CNTN5: variants seen among roughly 807,000 people sequenced by gnomAD.
CNTN5 encodes contactin 5, also known as contactin-5.
In CNTN5, 77 loss-of-function variants were observed where a neutral mutation model predicts 129.1. The observed-to-expected ratio is 0.60, with a 90% CI of 0.50 to 0.72. CNTN5 has a LOEUF of 0.72. Ranked by LOEUF, CNTN5 falls within the 30% of genes least tolerant of loss-of-function variation. CNTN5 has a pLI of 0.00. For synonymous variants in CNTN5, 509 were observed against 465.6 expected (o/e 1.09, Z -1.20); for missense variants, 1,478 against 1,328.8 (o/e 1.11, Z -1.75).
intron 9 of CNTN5, 135 bp from the exon 10 acceptor site, chr11:100,061,077 C>T: frequency 1.6e-6 from 1 of 609,026 alleles, no homozygotes; most frequent in Non-Finnish European, 2.7e-6. Context: ...TGAAATATAT[C>T]AACCAGCACA....
intron 9 of CNTN5, among the ~76,000 whole-genome samples, chr11:100,030,525 A>C (rs531485632): frequency 2.0e-5 from 3 of 152,206 alleles, no homozygotes; most frequent in African/African-American, 7.2e-5. Context: ...AGATATGCAC[A>C]ATCCATTGTG....
At chr11:99,819,834 C>A in intron 4 of CNTN5, 69 bp downstream of exon 4, 3 of 472,016 alleles carry the variant, frequency 6.4e-6, no homozygotes, top group Non-Finnish European at 8.8e-6. Flanking sequence ...AATACTGTTG[C>A]AACAGAGATC....
intron 13 of CNTN5, among the ~76,000 whole-genome samples, chr11:100,080,019 C>A (rs1200121060): frequency 6.6e-6 from 1 of 152,070 alleles, no homozygotes; most frequent in Non-Finnish European, 1.5e-5. Context: ...ACAATCTTAG[C>A]TAAAATGAAG....
At chr11:100,316,454 T>C (rs118039988) in intron 21 of CNTN5, among the ~76,000 whole-genome samples, 1,736 of 152,258 alleles carry the variant, frequency 0.011, 24 homozygotes, top group Non-Finnish European at 0.014. Context: ...AATATAATTC[T>C]CGTGTCTATA....
intron 3 of CNTN5, among the ~76,000 whole-genome samples, chr11:99,668,279 C>A (rs1390765064): frequency 6.6e-6 from 1 of 152,142 alleles, no homozygotes; most frequent in Non-Finnish European, 1.5e-5. Flanking sequence ...ACATTCTATT[C>A]TATGATGCCT....
intron 9 of CNTN5, among the ~76,000 whole-genome samples, chr11:100,026,124 G>C (rs73561007): frequency 6.6e-6 from 1 of 152,074 alleles, no homozygotes; most frequent in African/African-American, 2.4e-5. Flanking sequence ...ACCTGGTGAA[G>C]GTAACTGAAT....
At chr11:99,098,438 A>T (rs912926903) in intron 1 of CNTN5, among the ~76,000 whole-genome samples, 2 of 151,998 alleles carry the variant, frequency 1.3e-5, no homozygotes, top group African/African-American at 4.8e-5. Flanking sequence ...ACTTACATAG[A>T]CCACAACACT....
At chr11:99,138,316 T>C (rs1381129021) in intron 1 of CNTN5, among the ~76,000 whole-genome samples, 2 of 152,278 alleles carry the variant, frequency 1.3e-5, no homozygotes, top group South Asian at 2.1e-4. Flanking sequence ...AATCGTCCTA[T>C]ATGGATGAAA....
At chr11:99,102,954 G>T (rs886522764) in intron 1 of CNTN5, among the ~76,000 whole-genome samples, 1 of 152,088 alleles carries the variant, frequency 6.6e-6, no homozygotes, top group Non-Finnish European at 1.5e-5. Flanking sequence ...AGGTTTAATG[G>T]ACTCACAATT....
In CNTN5 at chr11:99,385,755, A is replaced by G. The variant is rs577793865; in HGVS notation, c.-71+60271A>G. 2.6e-5 allele frequency among the ~76,000 whole-genome samples: 4 copies of G among 152,290 alleles called. No homozygotes were observed. In the East Asian group the frequency reaches 7.7e-4, roughly 29 times the overall value. The stretch of plus-strand genomic sequence containing the variant: ...AAGATCCAGAATAAGAAGGAGTTTT[A>G]GCTCAAGGATGTCGTCAGAGATCCC... On this transcript the variant is annotated intron_variant, in intron 2 of 24. Coordinates refer to ENST00000524871, the MANE Select transcript of CNTN5 (RefSeq NM_014361.4).
chr11:99,415,936 C>T (rs1451327732), intron 2 of CNTN5, among the ~76,000 whole-genome samples: 1 of 152,046 alleles, frequency 6.6e-6, no homozygotes, highest in Non-Finnish European at 1.5e-5. Context: ...TTGATTTTTC[C>T]AGTGTTTATT....
intron 13 of CNTN5, among the ~76,000 whole-genome samples, chr11:100,159,445 G>A (rs749563464): frequency 1.3e-5 from 2 of 151,792 alleles, no homozygotes; most frequent in African/African-American, 2.4e-5. Flanking sequence ...GGATTTCTCA[G>A]AACGAATATG....
At chr11:99,899,912 C>A (rs1230046053) in intron 6 of CNTN5, among the ~76,000 whole-genome samples, 3 of 151,918 alleles carry the variant, frequency 2.0e-5, no homozygotes, top group Admixed American at 6.6e-5. Flanking sequence ...AATTTCATTA[C>A]TCATTGTTGG....
intron 3 of CNTN5, among the ~76,000 whole-genome samples, chr11:99,692,854 T>A (rs868096071): frequency 2.0e-5 from 3 of 152,146 alleles, no homozygotes; most frequent in African/African-American, 7.2e-5. Flanking sequence ...TTCCAAAAAA[T>A]TTATTGATAT....
chr11:99,883,374 A>C (rs1229678865), intron 6 of CNTN5, among the ~76,000 whole-genome samples: 1 of 152,174 alleles, frequency 6.6e-6, no homozygotes, highest in Non-Finnish European at 1.5e-5. Context: ...CCTTGCCGGC[A>C]TTCGTTATCT....
intron 13 of CNTN5, among the ~76,000 whole-genome samples, chr11:100,158,565 A>C (rs903405360): frequency 2.6e-5 from 4 of 151,882 alleles, no homozygotes; most frequent in Non-Finnish European, 5.9e-5. Context: ...GCTTTCCATA[A>C]ACAAGAAACT....
At chr11:99,846,942 G>A (rs1328171195) in intron 6 of CNTN5, among the ~76,000 whole-genome samples, 2 of 152,118 alleles carry the variant, frequency 1.3e-5, no homozygotes, top group Non-Finnish European at 2.9e-5. Flanking sequence ...AAAATATTAT[G>A]TGGTGTATCA....
chr11:99,354,665 C>T (rs1938518631), intron 2 of CNTN5, among the ~76,000 whole-genome samples: 1 of 152,120 alleles, frequency 6.6e-6, no homozygotes, highest in Non-Finnish European at 1.5e-5. Flanking sequence ...GCTGTTCACC[C>T]TCTGCACTAT....
chr11:100,302,133 C>A (rs1210374357), intron 20 of CNTN5, among the ~76,000 whole-genome samples: 1 of 151,580 alleles, frequency 6.6e-6, no homozygotes, highest in Non-Finnish European at 1.5e-5. Flanking sequence ...TCAACTTTTG[C>A]TATACAATAA....
Sources: allele counts gnomAD v4.1 joint callset (sites outside exome capture counted in the v4.1 genomes callset), GRCh38; gene constraint gnomAD v4.1.1; transcripts MANE v1.5; gene names NCBI Gene and HGNC (gene_info 2026-07-23, HGNC 2026-07-21).